Variants in ZNF516 observed in about 807,000 individuals in gnomAD.
ZNF516 encodes the protein zinc finger protein 516.
Under a neutral mutation model 79.7 loss-of-function variants are expected in ZNF516, and 19 were observed. The observed-to-expected ratio is 0.24, with a 90% CI of 0.17 to 0.35. ZNF516 has a LOEUF of 0.35. ZNF516 is among the 10% of genes least tolerant of loss of function. The pLI is 1.00. For synonymous variants in ZNF516, 877 were observed against 739.5 expected (o/e 1.19, Z -3.02); for missense variants, 1,678 against 1,679.5 (o/e 1.00, Z 0.02).
Position 76,442,570 on chromosome 18 carries a change from C to A in ZNF516, c.485G>T (p.Gly162Val). The A allele has an allele frequency of 1.3e-6, 2 of 1,598,418 alleles. No individual in the cohort carries two copies. The highest frequency in any genetic ancestry group is 4.5e-5 in the East Asian group (2 of 44,858). Residue 162 changes from glycine to valine, a missense_variant, in exon 3 of 7, where the codon GGG (glycine) becomes GTG (valine). By Grantham distance (109) the Gly-to-Val change is moderately radical (BLOSUM62 -3). Around this residue, in one of 5 missense-constraint regions of ZNF516, gnomAD observed 279 missense variants for 254.1 expected, o/e 1.10. Transcript: ENST00000443185. ...GGCCTCCCCCGGGGCGCATGCGGAC[C>A]CCTCTGCCCCCTTCTTGCTGCTCCG... ...LLRSSKKGAE[G>V]SACAPGEAKA...
chr18:76,414,154 T>C (rs2075405091), intron 3 of ZNF516, among the ~76,000 whole-genome samples: 2 of 152,230 alleles, frequency 1.3e-5, no homozygotes, highest in Admixed American at 6.5e-5. Flanking sequence ...TACATTAAAT[T>C]AGTGAAATCC....
At chr18:76,446,128 G>A (rs556110850) in intron 2 of ZNF516, among the ~76,000 whole-genome samples, 6 of 152,176 alleles carry the variant, frequency 3.9e-5, no homozygotes, top group South Asian at 2.1e-4. Flanking sequence ...TGTCCTTCAC[G>A]CCCTCAACTC....
rs760459377 is a variant in ZNF516 at position 76,379,135 on chromosome 18, G to A, written c.2979C>T (p.Gly993=). The A allele has an allele frequency of 3.9e-5, 63 of 1,612,526 alleles. No individual in the cohort carries two copies. The highest frequency in any genetic ancestry group is 6.6e-5 in the South Asian group (6 of 91,090). The change falls in exon 4 of 7, where the codon GGC becomes GGT. Residue 993 remains glycine (G), a synonymous_variant. Coordinates refer to ENST00000443185, the MANE Select transcript of ZNF516 (RefSeq NM_014643.4). The part of the protein sequence containing the change: ...QGPPPAKGEG[G]APPLPPREPP... ...GCTCGCGGGGAGGTAGAGGAGGAGC[G>A]CCCCCTTCGCCCTTTGCAGGAGGTG...
intron 2 of ZNF516, among the ~76,000 whole-genome samples, chr18:76,444,102 G>C (rs1001251038): frequency 1.3e-5 from 2 of 152,222 alleles, no homozygotes; most frequent in Admixed American, 6.5e-5. Context: ...ATGGTGCAAG[G>C]AGAAAAGCAA....
intron 3 of ZNF516, among the ~76,000 whole-genome samples, chr18:76,437,472 T>C (rs1187865696): frequency 6.6e-6 from 1 of 152,126 alleles, no homozygotes; most frequent in Admixed American, 6.5e-5. Context: ...ACTCTTTCCT[T>C]GATTCTTCAA....
intron 3 of ZNF516, among the ~76,000 whole-genome samples, chr18:76,403,814 T>A (rs559533990): frequency 1.7e-4 from 26 of 152,348 alleles, no homozygotes; most frequent in African/African-American, 6.0e-4. Context: ...ATGATCTATA[T>A]GATGTATTCA....
chr18:76,382,098 C>G (rs1188528907), intron 3 of ZNF516, among the ~76,000 whole-genome samples: 1 of 152,086 alleles, frequency 6.6e-6, no homozygotes, highest in Non-Finnish European at 1.5e-5. Context: ...CGCCACTGCA[C>G]TCCAGCCTGG....
rs144570842 is a variant in ZNF516, at chr18:76,400,414, A to C, written c.1811-20111T>G. Among the ~76,000 whole-genome samples, 302 of 152,318 alleles carry C rather than the reference A, an allele frequency of 2.0e-3. 1 individual carries two copies. Among genetic ancestry groups the C allele is most frequent in the Middle Eastern group, 0.017 (5 of 294 alleles). On this transcript the variant is annotated intron_variant, in intron 3 of 6. Transcript: ENST00000443185. ...CAGCTATTTCTGAGCACTTGGTAGG[A>C]TTTGCTACCTAAACGCCCAGAAAGT...
chr18:76,400,888 T>C (rs1444170328), intron 3 of ZNF516, among the ~76,000 whole-genome samples: 2 of 152,314 alleles, frequency 1.3e-5, no homozygotes, highest in South Asian at 2.1e-4. Context: ...TCCTGAAATA[T>C]CTCAGGCAGG....
At chr18:76,405,347 C>T (rs2032415902) in intron 3 of ZNF516, among the ~76,000 whole-genome samples, 1 of 152,178 alleles carries the variant, frequency 6.6e-6, no homozygotes, top group Non-Finnish European at 1.5e-5. Context: ...ATCCTCCCGC[C>T]TCAGCCTCCA....
intron 3 of ZNF516, among the ~76,000 whole-genome samples, chr18:76,406,569 AAAAAC>A (rs1395290844): frequency 1.1e-4 from 17 of 152,192 alleles, no homozygotes; most frequent in African/African-American, 4.1e-4. Context: ...GTCTAAAAAG[AAAAAC>A]AAAACAAAAC....
chr18:76,395,242 G>A (rs1053522927), intron 3 of ZNF516, among the ~76,000 whole-genome samples: 2 of 152,306 alleles, frequency 1.3e-5, no homozygotes, highest in Admixed American at 6.5e-5. Context: ...CTCTGCGCTC[G>A]CTGTTTCCCC....
At chr18:76,376,468 G>A (rs2074787734) in intron 4 of ZNF516, among the ~76,000 whole-genome samples, 2 of 150,598 alleles carry the variant, frequency 1.3e-5, no homozygotes, top group Admixed American at 6.6e-5. Flanking sequence ...AACCCAAGAT[G>A]AGTGCATGTA....
In ZNF516 at chr18:76,378,867, A is replaced by C; in HGVS notation, c.3247T>G (p.Leu1083Val). The C allele has an allele frequency of 6.2e-7, 1 of 1,613,148 alleles. No individual in the cohort carries two copies. The highest frequency in any genetic ancestry group is 2.2e-5 in the East Asian group (1 of 44,864). Residue 1083 changes from leucine to valine, a missense_variant, in exon 4 of 7, where the codon TTG becomes GTG. Transcript: ENST00000443185. ...CCGCACATCTTACCTCTGTGCTCCA[A>C]CCCAGGGCCGCTGACACCCCATCCC... ...YQGWGVSGPG[L>V]EHRGTLRTQA...
intron 3 of ZNF516, among the ~76,000 whole-genome samples, chr18:76,395,856 C>G (rs1162527930): frequency 1.3e-5 from 2 of 152,184 alleles, no homozygotes; most frequent in African/African-American, 4.8e-5. Flanking sequence ...CTGCAGGAGC[C>G]AAGTGTTTCA....
chr18:76,390,766 C>T (rs1176356971), intron 3 of ZNF516, among the ~76,000 whole-genome samples: 3 of 152,136 alleles, frequency 2.0e-5, no homozygotes, highest in Non-Finnish European at 4.4e-5. Flanking sequence ...AAGCACCGAG[C>T]GGCGGTGTGA....
chr18:76,476,566 T>A (rs1361388108), intron 1 of ZNF516, among the ~76,000 whole-genome samples: 1 of 152,214 alleles, frequency 6.6e-6, no homozygotes, highest in Non-Finnish European at 1.5e-5. Flanking sequence ...GGACACAGTG[T>A]ACATTCTAAG....
At position 76,442,945 on chromosome 18, in the gene ZNF516, C is replaced by T; in HGVS notation, c.110G>A (p.Cys37Tyr). ...DGDKATCHTC[C>Y]ICGKSFPFQS... ...GAAGGGGAAGCTCTTGCCGCAGATG[C>T]AGCAGGTGTGGCAGGTAGCCTTGTC... Residue 37 changes from cysteine to tyrosine, a missense_variant, in exon 3 of 7, where the codon TGC (cysteine) becomes TAC (tyrosine). Transcript: ENST00000443185. 6.2e-7 allele frequency: 1 copy of T among 1,610,632 alleles called. No homozygotes were observed. The highest frequency in any genetic ancestry group is 8.5e-7 in the Non-Finnish European group (1 of 1,179,790).
chr18:76,424,427 T>A (rs1285325078), intron 3 of ZNF516, among the ~76,000 whole-genome samples: 1 of 76,402 alleles, frequency 1.3e-5, no homozygotes, highest in Non-Finnish European at 2.5e-5. Context: ...TCCTGAAACA[T>A]ACACACGCAG....
Sources: allele counts gnomAD v4.1 joint callset (sites outside exome capture counted in the v4.1 genomes callset), GRCh38; gene constraint gnomAD v4.1.1; regional missense constraint gnomAD v4.1.1; transcripts MANE v1.5; gene names NCBI Gene and HGNC (gene_info 2026-07-23, HGNC 2026-07-21).